SLC1A6: variants seen among roughly 807,000 people sequenced by gnomAD.
SLC1A6 encodes the protein solute carrier family 1 member 6, also known as excitatory amino acid transporter 4.
In SLC1A6, 15 loss-of-function variants were observed where a neutral mutation model predicts 42.1. The observed-to-expected ratio is 0.36, with a 90% CI of 0.24 to 0.55. The LOEUF (loss-of-function observed/expected upper bound fraction) is 0.55. SLC1A6 is among the 20% of genes least tolerant of loss of function. The pLI is 0.88. For synonymous variants in SLC1A6, 317 were observed against 319.7 expected (o/e 0.99, Z 0.09); for missense variants, 542 against 772.5 (o/e 0.70, Z 3.54).
intron 1 of SLC1A6, among the ~76,000 whole-genome samples, chr19:14,987,257 A>C (rs971753850): frequency 1.3e-5 from 2 of 152,074 alleles, no homozygotes; most frequent in African/African-American, 2.4e-5. Flanking sequence ...TCATGAGGTC[A>C]GGAGATCGAG....
chr19:14,984,129 G>A (rs1199599516), upstream of SLC1A6, among the ~76,000 whole-genome samples: 1 of 152,062 alleles, frequency 6.6e-6, no homozygotes, highest in Non-Finnish European at 1.5e-5. Flanking sequence ...GACAAATATG[G>A]AGAAACCCCG....
At chr19:14,951,197 A>T (rs904729531) in intron 9 of SLC1A6, among the ~76,000 whole-genome samples, 31 of 139,910 alleles carry the variant, frequency 2.2e-4, no homozygotes, top group African/African-American at 6.3e-4. Context: ...GGTTGCAGTG[A>T]GCTGAGATCG....
intron 9 of SLC1A6, 129 bp downstream of exon 9, chr19:14,952,799 C>T: frequency 8.1e-7 from 1 of 1,234,908 alleles, no homozygotes; most frequent in Admixed American, 2.8e-5. Context: ...TCCAAGGCCT[C>T]CTTTTCACTT....
intron 1 of SLC1A6, among the ~76,000 whole-genome samples, chr19:14,992,404 A>C (rs1430133748): frequency 6.6e-6 from 1 of 152,074 alleles, no homozygotes; most frequent in Non-Finnish European, 1.5e-5. Context: ...ACAGATAAGA[A>C]GGGTCTCAAA....
chr19:14,975,559 A>C (rs1046643829), intron 1 of SLC1A6, among the ~76,000 whole-genome samples: 2 of 152,092 alleles, frequency 1.3e-5, no homozygotes, highest in Admixed American at 1.3e-4. Flanking sequence ...GTTCGAGACC[A>C]GCCTGGCCAA....
At chr19:15,009,361 C>T (rs2145249219) in intron 1 of SLC1A6, among the ~76,000 whole-genome samples, 1 of 148,162 alleles carries the variant, frequency 6.7e-6, no homozygotes, top group South Asian at 2.1e-4. Flanking sequence ...GCATATATGT[C>T]ACATGTATGT....
At chr19:14,974,140 T>C (rs1410658471) in intron 1 of SLC1A6, 1 of 152,192 alleles carries the variant, frequency 6.6e-6, no homozygotes, top group Non-Finnish European at 1.5e-5. Flanking sequence ...GCAGATCACT[T>C]GAGCTCAGGA....
Position 14,962,474 on chromosome 19 carries a change from TTATCACTCATTATCGAC to T in SLC1A6, c.592-146_592-130del, listed in dbSNP as rs1322174084. On this transcript the variant is annotated intron_variant, in intron 5 of 9. Transcript: ENST00000594383. ...AGATCGATAAGATCTTCATTATCGA[TTATCACTCATTATCGAC>T]TATCACTCATTCAGCAGATCTGAAT... 1.1e-5 allele frequency: 7 copies of T among 645,262 alleles called. No homozygotes were observed. The African/African-American group carries it at 1.3e-4, about 12-fold the overall frequency. The allele number at this position is 645,262 out of a possible 1,614,324, so 40.0% of individuals were successfully genotyped here. A position where few individuals can be genotyped will look rare whatever the true frequency, so the allele number is the denominator to read the frequency against.
intron 1 of SLC1A6, among the ~76,000 whole-genome samples, chr19:14,993,469 T>A (rs761745952): frequency 2.0e-5 from 3 of 152,114 alleles, no homozygotes; most frequent in Non-Finnish European, 4.4e-5. Context: ...AAAAAATCAA[T>A]CTCCTTCTCA....
chr19:14,993,332 T>TG (rs879616510), intron 1 of SLC1A6, among the ~76,000 whole-genome samples: 2 of 151,920 alleles, frequency 1.3e-5, no homozygotes, highest in South Asian at 4.2e-4. Flanking sequence ...GGTTTCCTTC[T>TG]GGGGGGGTGA....
Position 14,972,934 on chromosome 19 carries a change from A to C in SLC1A6, c.-7-17T>G, listed in dbSNP as rs1453109534. 2 of 1,542,652 alleles carry C rather than the reference A, an allele frequency of 1.3e-6. No homozygotes were observed. The highest frequency in any genetic ancestry group is 2.7e-5 in the African/African-American group (2 of 73,468). On this transcript the variant is annotated splice_polypyrimidine_tract_variant and intron_variant, in intron 1 of 9. Transcript: ENST00000594383. ...ATGGTCTATCTGCGGGAAACAGAGA[A>C]GCCTGGGGCTGGTGAGGGCCAGGAC...
At chr19:14,969,795 A>T (rs1295787081) in intron 3 of SLC1A6, among the ~76,000 whole-genome samples, 3 of 152,172 alleles carry the variant, frequency 2.0e-5, no homozygotes, top group Non-Finnish European at 4.4e-5. Flanking sequence ...TTTGTAAATA[A>T]AGTTTTATTG....
chr19:15,003,660 C>CAA (rs371118940), intron 1 of SLC1A6, among the ~76,000 whole-genome samples: 4,677 of 121,672 alleles, frequency 0.038, 228 homozygotes, highest in Admixed American at 0.15. Context: ...CATGTAATGC[C>CAA]AAAAAAAAAA....
chr19:14,964,053 T>C (rs906291844), intron 5 of SLC1A6: 8 of 322,518 alleles, frequency 2.5e-5, no homozygotes, highest in African/African-American at 1.7e-4. Context: ...GGTCTTGAAC[T>C]TTTGGCCTCA....
Position 14,950,138 on chromosome 19 carries a change from G to A in SLC1A6, c.*57C>T. On this transcript the variant is annotated 3_prime_UTR_variant, in exon 10 of 10. Transcript: ENST00000594383. The stretch of plus-strand genomic sequence containing the variant: ...CAGTTGGGCAACAGATGTGTCACCA[G>A]GACTCCCCTCCCCAGCCCCCTTCCC... The A allele has an allele frequency of 1.5e-6, 2 of 1,312,650 alleles. No homozygotes were observed. The allele number at this position is 1,312,650 out of a possible 1,614,324, so 81.3% of individuals were successfully genotyped here.
At chr19:14,966,652 A>G (rs1041741125) in intron 4 of SLC1A6, among the ~76,000 whole-genome samples, 5 of 152,208 alleles carry the variant, frequency 3.3e-5, no homozygotes, top group African/African-American at 9.6e-5. Context: ...TAGACTGGAT[A>G]AAGAAAATAT....
intron 5 of SLC1A6, among the ~76,000 whole-genome samples, chr19:14,962,901 CA>C (rs1019536494): frequency 6.6e-6 from 1 of 151,068 alleles, no homozygotes; most frequent in Non-Finnish European, 1.5e-5. Context: ...GACTCCATCT[CA>C]AAAAAACAAA....
chr19:15,006,087 C>T (rs932292691), intron 1 of SLC1A6, among the ~76,000 whole-genome samples: 2 of 152,208 alleles, frequency 1.3e-5, no homozygotes, highest in Non-Finnish European at 2.9e-5. Flanking sequence ...TTTGAAATAG[C>T]TCATTCATGG....
chr19:14,974,500 T>G (rs2045681838), intron 1 of SLC1A6: 1 of 152,060 alleles, frequency 6.6e-6, no homozygotes, highest in Non-Finnish European at 1.5e-5. Flanking sequence ...TGCCCATCTG[T>G]CTACCAACTA....
Sources: allele counts gnomAD v4.1 joint callset (sites outside exome capture counted in the v4.1 genomes callset), GRCh38; gene constraint gnomAD v4.1.1; transcripts MANE v1.5; gene names NCBI Gene and HGNC (gene_info 2026-07-23, HGNC 2026-07-21).